LPP: variants seen among roughly 807,000 people sequenced by gnomAD.
The protein encoded by LPP is lipoma-preferred partner.
In LPP, 38 loss-of-function variants were observed where a neutral mutation model predicts 60.4. The ratio of observed to expected loss-of-function variants is 0.63; its 90% confidence interval spans 0.49 to 0.83. The LOEUF is 0.83. LPP is among the 40% of genes least tolerant of loss of function. The pLI is 0.00. For missense variants in LPP, 902 were observed against 783.6 expected, an observed-to-expected ratio of 1.15 and a Z score of -1.80; for synonymous variants, 328 against 290.8, an observed-to-expected ratio of 1.13 and a Z score of -1.30.
chr3:188,272,531 T>G (rs1397791208), intron 2 of LPP, among the ~76,000 whole-genome samples: 1 of 152,202 alleles, frequency 6.6e-6, no homozygotes, highest in African/African-American at 2.4e-5. Flanking sequence ...ATCTTTACTT[T>G]GAGCTCTCTG....
intron 4 of LPP, among the ~76,000 whole-genome samples, chr3:188,407,731 G>A (rs1236790005): frequency 1.3e-5 from 2 of 151,482 alleles, no homozygotes; most frequent in Non-Finnish European, 2.9e-5. Flanking sequence ...CTCTTCATAG[G>A]GACAGGAGGA....
chr3:188,865,560 A>G (rs1766364074), intron 9 of LPP, among the ~76,000 whole-genome samples: 1 of 152,206 alleles, frequency 6.6e-6, no homozygotes, highest in East Asian at 1.9e-4. Context: ...TGGTCACACT[A>G]TGTCTTTGAT....
At chr3:188,591,415 A>G (rs949048252) in intron 6 of LPP, among the ~76,000 whole-genome samples, 1 of 152,198 alleles carries the variant, frequency 6.6e-6, no homozygotes, top group African/African-American at 2.4e-5. Flanking sequence ...TAATGTTTCC[A>G]TTAAACCAGC....
chr3:188,525,688 G>T (rs1404468598), intron 6 of LPP, among the ~76,000 whole-genome samples: 1 of 152,176 alleles, frequency 6.6e-6, no homozygotes, highest in African/African-American at 2.4e-5. Flanking sequence ...ATTTCTAGGA[G>T]TGGGGTTGCT....
chr3:188,371,144 A>G (rs1161112707), intron 3 of LPP, among the ~76,000 whole-genome samples: 1 of 152,174 alleles, frequency 6.6e-6, no homozygotes, highest in Non-Finnish European at 1.5e-5. Flanking sequence ...TATTGGGACC[A>G]GGTTTCATGG....
chr3:188,395,832 T>C (rs1780814332), intron 3 of LPP, among the ~76,000 whole-genome samples: 1 of 151,982 alleles, frequency 6.6e-6, no homozygotes. Context: ...GAGAAATACT[T>C]GAGTCTAGGA....
intron 7 of LPP, among the ~76,000 whole-genome samples, chr3:188,646,773 A>G (rs1472240447): frequency 6.6e-6 from 1 of 152,254 alleles, no homozygotes. Flanking sequence ...AGCTAGGAAC[A>G]AAACACAAGT....
intron 2 of LPP, among the ~76,000 whole-genome samples, chr3:188,234,235 C>T (rs567324066): frequency 3.9e-5 from 6 of 152,254 alleles, no homozygotes; most frequent in South Asian, 2.1e-4. Flanking sequence ...TGATAGTTCC[C>T]GGTCTGCTCC....
intron 3 of LPP, among the ~76,000 whole-genome samples, chr3:188,397,378 A>G (rs1781196792): frequency 6.6e-6 from 1 of 152,140 alleles, no homozygotes; most frequent in African/African-American, 2.4e-5. Context: ...TTAGCTCTTA[A>G]GTAGTCTGTC....
intron 7 of LPP, among the ~76,000 whole-genome samples, chr3:188,631,798 G>A (rs1234805387): frequency 1.3e-5 from 2 of 152,246 alleles, no homozygotes; most frequent in East Asian, 3.9e-4. Flanking sequence ...ATACAATGAC[G>A]ATGGGTGATG....
chr3:188,534,783 C>A (rs1337967247), intron 6 of LPP, among the ~76,000 whole-genome samples: 2 of 152,160 alleles, frequency 1.3e-5, no homozygotes, highest in Non-Finnish European at 2.9e-5. Flanking sequence ...TAAGGATGAT[C>A]TCTAGACAGA....
chr3:188,370,326 C>A (rs969267984), intron 3 of LPP, among the ~76,000 whole-genome samples: 1 of 152,150 alleles, frequency 6.6e-6, no homozygotes, highest in Non-Finnish European at 1.5e-5. Context: ...GAAGGCTGCA[C>A]CGCCTACAAG....
chr3:188,365,768 A>G (rs1002697608), intron 3 of LPP, among the ~76,000 whole-genome samples: 2 of 150,734 alleles, frequency 1.3e-5, no homozygotes, highest in Non-Finnish European at 2.9e-5. Flanking sequence ...TTATCAGGAT[A>G]TAATTGACGA....
chr3:188,416,104 A>T (rs1476929987), intron 4 of LPP, among the ~76,000 whole-genome samples: 2 of 2,644 alleles, frequency 7.6e-4, no homozygotes, highest in Non-Finnish European at 2.5e-3. Flanking sequence ...GTCCATATTT[A>T]AAAAAAAATT....
chr3:188,602,832 T>C (rs1442737320), intron 6 of LPP, among the ~76,000 whole-genome samples: 1 of 151,614 alleles, frequency 6.6e-6, no homozygotes, highest in African/African-American at 2.4e-5. Context: ...TGTCACTAAA[T>C]TCTAAACAGT....
At chr3:188,417,664 A>T (rs1176325677) in intron 4 of LPP, among the ~76,000 whole-genome samples, 2 of 152,284 alleles carry the variant, frequency 1.3e-5, no homozygotes, top group Non-Finnish European at 2.9e-5. Flanking sequence ...AGGACCAAGA[A>T]ATATGATCTT....
chr3:188,470,235 C>T (rs1266038156), intron 4 of LPP, among the ~76,000 whole-genome samples: 1 of 151,736 alleles, frequency 6.6e-6, no homozygotes, highest in Non-Finnish European at 1.5e-5. Flanking sequence ...AATTGAGTCT[C>T]CCTATTTCAA....
Position 188,883,057 on chromosome 3 carries a change from A to G in LPP, c.*8578A>G, listed in dbSNP as rs1331478013. On this transcript the variant is annotated 3_prime_UTR_variant, in exon 12 of 12. Coordinates refer to ENST00000617246, the MANE Select transcript of LPP (RefSeq NM_001375462.1). ...AGCTCATTATTCCTTGAGGTCTTAC[A>G]TTTCTTTCAGCACATTTTGTTCCAA... The G allele has an allele frequency of 5.0e-6, 1 of 198,616 alleles. No homozygotes were observed. Among genetic ancestry groups the G allele is most frequent in the East Asian group, 7.6e-5 (1 of 13,130 alleles). 12.3% of individuals were successfully genotyped at this position (198,616 alleles called of 1,614,324 possible). A position where few individuals can be genotyped will look rare whatever the true frequency, so the allele number is the denominator to read the frequency against.
intron 9 of LPP, among the ~76,000 whole-genome samples, chr3:188,776,133 C>T (rs1015468127): frequency 6.6e-6 from 1 of 152,158 alleles, no homozygotes; most frequent in East Asian, 1.9e-4. Context: ...GACATGTGAA[C>T]AAATATAACA....
Sources: gnomAD v4.1 joint callset for allele counts (sites outside exome capture counted in the v4.1 genomes callset) on GRCh38, gnomAD v4.1.1 for gene constraint, MANE v1.5 for transcripts, NCBI Gene and HGNC (gene_info 2026-07-23, HGNC 2026-07-21) for gene names.